MAML2: variants seen among roughly 807,000 people sequenced by gnomAD.
MAML2 encodes the protein mastermind like transcriptional coactivator 2.
Under a neutral mutation model 96.1 loss-of-function variants are expected in MAML2, and 22 were observed. That is an observed-to-expected ratio of 0.23 (90% CI 0.16 to 0.33). MAML2 has a LOEUF of 0.33. Ranked by LOEUF, MAML2 falls within the 10% of genes least tolerant of loss-of-function variation. The pLI is 1.00. For missense variants in MAML2, 1,367 were observed against 1,392.4 expected (o/e 0.98, Z 0.29); for synonymous variants, 561 against 521.3 (o/e 1.08, Z -1.04).
At chr11:96,135,395 C>G (rs1591032620) in intron 1 of MAML2, among the ~76,000 whole-genome samples, 1 of 152,192 alleles carries the variant, frequency 6.6e-6, no homozygotes, top group African/African-American at 2.4e-5. Flanking sequence ...TACATTATCT[C>G]ATTTCATCCT....
At chr11:96,326,089 A>AC (rs1555040453) in intron 1 of MAML2, among the ~76,000 whole-genome samples, 27 of 88,220 alleles carry the variant, frequency 3.1e-4, no homozygotes, top group South Asian at 4.7e-4. Flanking sequence ...CTCTCTGTCT[A>AC]CCCCGCCCCC....
intron 1 of MAML2, among the ~76,000 whole-genome samples, chr11:96,201,928 A>G (rs1172105876): frequency 2.6e-5 from 4 of 151,584 alleles, no homozygotes; most frequent in Admixed American, 2.0e-4. Flanking sequence ...CAAAAAAAAA[A>G]AGTCTCTAAT....
intron 4 of MAML2, among the ~76,000 whole-genome samples, chr11:95,981,345 A>C (rs1206854341): frequency 6.6e-6 from 1 of 152,162 alleles, no homozygotes; most frequent in Non-Finnish European, 1.5e-5. Flanking sequence ...AATCTTCTTG[A>C]CTTCTGGAGG....
At chr11:96,315,563 T>C (rs1863619199) in intron 1 of MAML2, among the ~76,000 whole-genome samples, 1 of 152,202 alleles carries the variant, frequency 6.6e-6, no homozygotes, top group Admixed American at 6.5e-5. Flanking sequence ...GTTTTTTTCA[T>C]AGAGCTTTTT....
chr11:96,166,177 T>TCA lies in MAML2; in HGVS notation c.514-72662_514-72661dup, dbSNP rs1555018442. On this transcript the variant is annotated intron_variant, in intron 1 of 4. Coordinates refer to ENST00000524717, the MANE Select transcript of MAML2 (RefSeq NM_032427.4). Reference sequence around the variant, plus strand: ...CTGTCTCTCTCTCTCTCTCTCTCTCTCACACACACACACACACACACACAC... The same window carrying TCA: ...CTGTCTCTCTCTCTCTCTCTCTCTCTCACACACACACACACACACACACACAC... Among the ~76,000 whole-genome samples, 924 of 110,348 alleles carry TCA rather than the reference T, an allele frequency of 8.4e-3. 15 individuals are homozygous for TCA. Among genetic ancestry groups the TCA allele is most frequent in the African/African-American group, 0.029 (816 of 28,628 alleles). 72.4% of individuals were successfully genotyped at this position (110,348 alleles called of 152,430 possible).
Position 96,279,502 on chromosome 11 carries a change from T to C in MAML2, c.513+61881A>G, listed in dbSNP as rs545550780. ...TTGTAAATTACAAGGGACTATGCAG[T>C]ATGTAAGGGAAGATACAGGAGAGTA... On this transcript the variant is annotated intron_variant, in intron 1 of 4. Coordinates refer to ENST00000524717, the MANE Select transcript of MAML2 (RefSeq NM_032427.4). Among the ~76,000 whole-genome samples, 3 of 152,210 alleles carry C rather than the reference T, an allele frequency of 2.0e-5. No homozygotes were observed. In the South Asian group the frequency reaches 6.2e-4, roughly 32 times the overall value.
At position 96,115,597 on chromosome 11, in the gene MAML2, G is replaced by A. The variant is rs371113758; in HGVS notation, c.514-22080C>T. On this transcript the variant is annotated intron_variant, in intron 1 of 4. Transcript: ENST00000524717. ...CAGGGTCTGATCAGTATAAGCATTC[G>A]ACAAATATTGAATACCTCTGTGCTG... is the stretch of plus-strand genomic sequence containing the variant. 2.4e-3 allele frequency among the ~76,000 whole-genome samples: 370 copies of A among 152,056 alleles called. 1 individual carries two copies. Among genetic ancestry groups the A allele is most frequent in the Middle Eastern group, 6.8e-3 (2 of 294 alleles).
At chr11:95,990,131 C>T (rs745661643) in intron 3 of MAML2, among the ~76,000 whole-genome samples, 2 of 152,094 alleles carry the variant, frequency 1.3e-5, no homozygotes, top group South Asian at 4.2e-4. Flanking sequence ...CTTTCCATTA[C>T]ATTTTCTCTT....
rs117286633 is a variant in MAML2, at chr11:96,138,338, C to T, written c.514-44821G>A. Among the ~76,000 whole-genome samples the T allele has an allele frequency of 2.4e-4, 36 of 152,326 alleles. No homozygotes were observed. In the East Asian group the frequency reaches 6.7e-3, roughly 29 times the overall value. The stretch of plus-strand genomic sequence containing the variant: ...CAGCCACCTGACCGCCACCTGAGCT[C>T]ATATTACTGCCCCTTGCCTAGGAGA... On this transcript the variant is annotated intron_variant, in intron 1 of 4. Coordinates refer to ENST00000524717, the MANE Select transcript of MAML2 (RefSeq NM_032427.4).
intron 1 of MAML2, among the ~76,000 whole-genome samples, chr11:96,095,995 T>C (rs138915729): frequency 1.3e-5 from 2 of 152,236 alleles, no homozygotes; most frequent in East Asian, 3.9e-4. Flanking sequence ...AAACTCAGAG[T>C]TACCACTGTC....
intron 1 of MAML2, among the ~76,000 whole-genome samples, chr11:96,137,642 T>G (rs1252109353): frequency 6.6e-6 from 1 of 152,142 alleles, no homozygotes; most frequent in Non-Finnish European, 1.5e-5. Context: ...GACCATTCAG[T>G]CTCCATTTTA....
At chr11:96,272,564 A>C (rs1174949998) in intron 1 of MAML2, among the ~76,000 whole-genome samples, 2 of 152,224 alleles carry the variant, frequency 1.3e-5, no homozygotes, top group Admixed American at 1.3e-4. Context: ...TCTCAGAAGC[A>C]GCCCACCAGA....
intron 1 of MAML2, among the ~76,000 whole-genome samples, chr11:96,125,434 G>A (rs528121087): frequency 5.9e-5 from 9 of 152,244 alleles, no homozygotes; most frequent in East Asian, 3.9e-4. Flanking sequence ...GGTGGCTACC[G>A]CTGGAAGGCT....
At chr11:96,188,505 C>A (rs971076314) in intron 1 of MAML2, among the ~76,000 whole-genome samples, 4 of 152,168 alleles carry the variant, frequency 2.6e-5, no homozygotes, top group Admixed American at 2.6e-4. Flanking sequence ...GGGGGTCCCA[C>A]AAGCAAAGAG....
chr11:96,242,527 T>G (rs1327903798), intron 1 of MAML2, among the ~76,000 whole-genome samples: 1 of 152,126 alleles, frequency 6.6e-6, no homozygotes, highest in Non-Finnish European at 1.5e-5. Flanking sequence ...CATTTTCCAG[T>G]TGAATTATAG....
Position 96,146,428 on chromosome 11 carries a change from CG to C in MAML2, c.514-52912del, listed in dbSNP as rs146819537. ...TACAATATTGCTATTAGCAGTGAAT[CG>C]GGGAGGCAGGACAGGGGACAAACCA... On this transcript the variant is annotated intron_variant, in intron 1 of 4. Coordinates refer to ENST00000524717, the MANE Select transcript of MAML2 (RefSeq NM_032427.4). Among the ~76,000 whole-genome samples the C allele has an allele frequency of 5.9e-3, 896 of 152,220 alleles. 8 individuals carry two copies. Among genetic ancestry groups the C allele is most frequent in the African/African-American group, 0.021 (855 of 41,530 alleles).
At chr11:96,182,244 A>T (rs1438852513) in intron 1 of MAML2, among the ~76,000 whole-genome samples, 1 of 152,236 alleles carries the variant, frequency 6.6e-6, no homozygotes, top group East Asian at 1.9e-4. Flanking sequence ...GTAATGTTCT[A>T]CAAATATCGA....
intron 1 of MAML2, among the ~76,000 whole-genome samples, chr11:96,102,369 C>T (rs943517709): frequency 2.0e-5 from 3 of 152,174 alleles, no homozygotes; most frequent in East Asian, 3.9e-4. Context: ...ATTTACCAGT[C>T]TGTCTGGAAA....
chr11:96,302,171 T>A (rs1207598366), intron 1 of MAML2, among the ~76,000 whole-genome samples: 1 of 152,238 alleles, frequency 6.6e-6, no homozygotes, highest in Non-Finnish European at 1.5e-5. Flanking sequence ...TTTGTTTTCA[T>A]GCTATGCCAT....
Sources: allele counts gnomAD v4.1 joint callset (sites outside exome capture counted in the v4.1 genomes callset), GRCh38; gene constraint gnomAD v4.1.1; transcripts MANE v1.5; gene names NCBI Gene and HGNC (gene_info 2026-07-23, HGNC 2026-07-21).